RBFOX1: variants seen among roughly 807,000 people sequenced by gnomAD.
The protein encoded by RBFOX1 is RNA binding protein fox-1 homolog 1.
Under a neutral mutation model 57.7 loss-of-function variants are expected in RBFOX1, and 8 were observed. The ratio of observed to expected loss-of-function variants is 0.14; its 90% CI spans 0.08 to 0.25. RBFOX1 has a LOEUF of 0.25. RBFOX1 is among the 10% of genes least tolerant of loss of function. The pLI is 1.00. For synonymous variants in RBFOX1, 326 were observed against 222.4 expected (o/e 1.47, Z -4.15); for missense variants, 611 against 548.5 (o/e 1.11, Z -1.14).
chr16:5,754,159 G>A (rs17138523), intron 3 of RBFOX1, among the ~76,000 whole-genome samples: 41,130 of 152,042 alleles, frequency 0.27, 6,223 homozygotes, highest in East Asian at 0.57. Context: ...TAATACATTT[G>A]TTAAAAGCCG....
intron 3 of RBFOX1, among the ~76,000 whole-genome samples, chr16:5,631,007 C>G (rs1352106897): frequency 6.6e-6 from 1 of 152,180 alleles, no homozygotes; most frequent in South Asian, 2.1e-4. Flanking sequence ...AGTGATTCCC[C>G]TTGGAAGGGT....
chr16:6,698,556 T>A (rs894310718), intron 3 of RBFOX1, among the ~76,000 whole-genome samples: 1 of 152,228 alleles, frequency 6.6e-6, no homozygotes, highest in African/African-American at 2.4e-5. Context: ...TTTGCTCTTC[T>A]GAAGTCATCA....
In RBFOX1 at chr16:6,019,611, C is replaced by G. The variant is rs1175952365; in HGVS notation, c.-508C>G. 3 of 1,236,294 alleles carry G rather than the reference C, an allele frequency of 2.4e-6. No individual in the cohort carries two copies. The highest frequency in any genetic ancestry group is 1.6e-5 in the African/African-American group (1 of 64,032). The allele number at this position is 1,236,294 out of a possible 1,614,324, so 76.6% of individuals were successfully genotyped here. A position where few individuals can be genotyped will look rare whatever the true frequency, so the allele number is the denominator to read the frequency against. ...GGGGCTGAAGAAGGAAGGAGTGAGC[C>G]GAGCCGAGCACCCCACATCTGGAGG... On this transcript the variant is annotated 5_prime_UTR_variant, in exon 1 of 16. Transcript: ENST00000550418. The surrounding 1 kb of genome is among the most constrained non-coding windows in gnomAD (Gnocchi z 4.2).
chr16:7,566,938 A>G (rs960413272), intron 5 of RBFOX1, among the ~76,000 whole-genome samples: 4 of 151,968 alleles, frequency 2.6e-5, no homozygotes, highest in African/African-American at 9.7e-5. Context: ...GTATCCATGA[A>G]CAAAGAAATC....
chr16:7,105,593 C>A (rs903721465), intron 4 of RBFOX1, among the ~76,000 whole-genome samples: 1 of 152,046 alleles, frequency 6.6e-6, no homozygotes, highest in Non-Finnish European at 1.5e-5. Flanking sequence ...GTTTTGCATT[C>A]CTGAGTTAGT....
rs188286674 is a variant in RBFOX1 at position 6,073,985 on chromosome 16, G to C, written c.-127+53993G>C. 2.2e-4 allele frequency among the ~76,000 whole-genome samples: 33 copies of C among 152,172 alleles called. No individual in the cohort carries two copies. The East Asian group carries it at 6.2e-3, about 29-fold the overall frequency. The stretch of plus-strand genomic sequence containing the variant: ...TTTTTCTGAGACAGAGTCTCACTCT[G>C]TCGCCCAGAGTGGAGTGCAGGGGTG... On this transcript the variant is annotated intron_variant, in intron 1 of 15. Transcript: ENST00000550418.
chr16:7,110,838 G>A (rs1287868681), intron 4 of RBFOX1, among the ~76,000 whole-genome samples: 1 of 152,114 alleles, frequency 6.6e-6, no homozygotes, highest in Non-Finnish European at 1.5e-5. Context: ...ATTTATTCTA[G>A]TATATAACTG....
At chr16:5,382,215 C>A (rs181557081) in intron 1 of RBFOX1, among the ~76,000 whole-genome samples, 10 of 152,316 alleles carry the variant, frequency 6.6e-5, no homozygotes, top group African/African-American at 2.4e-4. Flanking sequence ...TAATTGACAA[C>A]ATTGTCTCTA....
At chr16:6,919,138 C>T (rs1178093901) in intron 3 of RBFOX1, among the ~76,000 whole-genome samples, 1 of 151,992 alleles carries the variant, frequency 6.6e-6, no homozygotes, top group African/African-American at 2.4e-5. Context: ...TGCCATCGTG[C>T]CTGGCTAGTT....
intron 2 of RBFOX1, among the ~76,000 whole-genome samples, chr16:6,510,233 G>T (rs1255347171): frequency 1.3e-5 from 2 of 152,124 alleles, no homozygotes; most frequent in African/African-American, 4.8e-5. Context: ...GGCTGGCATT[G>T]AACAGCCACA....
intron 3 of RBFOX1, among the ~76,000 whole-genome samples, chr16:5,850,642 A>G (rs757924507): frequency 6.6e-6 from 1 of 152,186 alleles, no homozygotes; most frequent in Admixed American, 6.5e-5. Flanking sequence ...TTTACTCCCT[A>G]AAGACTGCAT....
intron 2 of RBFOX1, among the ~76,000 whole-genome samples, chr16:6,338,201 C>A (rs961387880): frequency 3.3e-5 from 5 of 152,140 alleles, no homozygotes; most frequent in African/African-American, 1.2e-4. Flanking sequence ...ATTTTCCCCA[C>A]CTCTTCACTT....
At chr16:7,435,179 G>A (rs1034888074) in intron 4 of RBFOX1, among the ~76,000 whole-genome samples, 2 of 151,914 alleles carry the variant, frequency 1.3e-5, no homozygotes, top group African/African-American at 2.4e-5. Flanking sequence ...TAATTGCCAT[G>A]TCTTCTTCTC....
chr16:6,750,976 C>A (rs2074827803), intron 3 of RBFOX1, among the ~76,000 whole-genome samples: 1 of 151,862 alleles, frequency 6.6e-6, no homozygotes, highest in South Asian at 2.1e-4. Context: ...TATGAAGGTG[C>A]CAACTGGCCA....
rs1454076247 is a variant in RBFOX1, at chr16:5,676,724, T to G, written c.318+77763T>G. Among the ~76,000 whole-genome samples the G allele has an allele frequency of 2.0e-5, 3 of 152,198 alleles. No homozygotes were observed. In the East Asian group the frequency reaches 5.8e-4, roughly 29 times the overall value. On this transcript the variant is annotated intron_variant, in intron 3 of 19. Transcript: ENST00000641259. ...AAAAATACAAAAAACTAGCCAGTTG[T>G]GGCAGCACATGCCTGCAATTCCACC...
At chr16:7,031,901 C>T (rs1343851404) in intron 3 of RBFOX1, among the ~76,000 whole-genome samples, 2 of 152,124 alleles carry the variant, frequency 1.3e-5, no homozygotes, top group African/African-American at 4.8e-5. Context: ...TCTCCCTGAT[C>T]AGTATAATTA....
At chr16:5,273,940 T>C (rs1736717513) in intron 1 of RBFOX1, among the ~76,000 whole-genome samples, 1 of 152,178 alleles carries the variant, frequency 6.6e-6, no homozygotes, top group African/African-American at 2.4e-5. Context: ...ATCCAGGGAC[T>C]CGAGCAGATT....
At chr16:7,592,187 C>A (rs2094476710) in intron 7 of RBFOX1, among the ~76,000 whole-genome samples, 1 of 151,990 alleles carries the variant, frequency 6.6e-6, no homozygotes, top group African/African-American at 2.4e-5. Context: ...AAGTAGCTGA[C>A]AAGCAAAGAG....
Position 6,842,943 on chromosome 16 carries a change from T to C in RBFOX1, c.-16+188293T>C, listed in dbSNP as rs368137338. ...AGTGTTTGGTTTTCTGTTCCTGTGT[T>C]AGTTTGCTGAGAACGATGGTTTCCA... On this transcript the variant is annotated intron_variant, in intron 3 of 15. Coordinates refer to ENST00000550418, the MANE Select transcript of RBFOX1 (RefSeq NM_018723.4). Among the ~76,000 whole-genome samples the C allele has an allele frequency of 3.0e-4, 46 of 152,238 alleles. 2 individuals carry two copies. In the South Asian group the frequency reaches 9.3e-3, roughly 31 times the overall value.
Sources: allele counts gnomAD v4.1 joint callset (sites outside exome capture counted in the v4.1 genomes callset), GRCh38; gene constraint gnomAD v4.1.1; non-coding constraint Gnocchi (gnomAD v3.1); transcripts MANE v1.5; gene names NCBI Gene and HGNC (gene_info 2026-07-23, HGNC 2026-07-21).